The following DNER variants were observed in gnomAD, a reference collection of about 807,000 sequenced individuals.
DNER encodes the protein delta/notch like EGF repeat containing.
Under a neutral mutation model 78.2 loss-of-function variants are expected in DNER, and 33 were observed. The ratio of observed to expected loss-of-function variants is 0.42; its 90% CI spans 0.32 to 0.56. The LOEUF is 0.56. Among genes scored for constraint, DNER ranks in the 20% least tolerant of loss-of-function variants. The probability of loss-of-function intolerance (pLI) is 0.11; values close to 1 mark genes in which losing one functional copy is unlikely to be tolerated. For missense variants in DNER, 918 were observed against 975.3 expected, an observed-to-expected ratio of 0.94 and a Z score of 0.78; for synonymous variants, 417 against 384.8, an observed-to-expected ratio of 1.08 and a Z score of -0.98.
chr2:229,566,264 G>A (rs896734896), intron 4 of DNER, among the ~76,000 whole-genome samples: 1 of 152,120 alleles, frequency 6.6e-6, no homozygotes, highest in Admixed American at 6.6e-5. Context: ...TTCTAATACA[G>A]CTCTTTGCTC....
intron 1 of DNER, among the ~76,000 whole-genome samples, chr2:229,708,915 T>C (rs1335432416): frequency 6.6e-6 from 1 of 152,214 alleles, no homozygotes; most frequent in African/African-American, 2.4e-5. Flanking sequence ...TTCGACAAGT[T>C]TTTGTTCTTT....
At chr2:229,519,726 C>G (rs1273610435) in intron 5 of DNER, among the ~76,000 whole-genome samples, 1 of 152,128 alleles carries the variant, frequency 6.6e-6, no homozygotes, top group Non-Finnish European at 1.5e-5. Context: ...GGCCCTTCAC[C>G]CTTAAGGGCA....
Position 229,546,330 on chromosome 2 carries a change from AC to A in DNER, c.993+616del, listed in dbSNP as rs1473410078. ...TCTAAATACTCATGTCCTATGTCCA[AC>A]CACCATTCAGTTTTAAAACTACTCC... On this transcript the variant is annotated intron_variant, in intron 5 of 12. Coordinates refer to ENST00000341772, the MANE Select transcript of DNER (RefSeq NM_139072.4). 3.9e-5 allele frequency among the ~76,000 whole-genome samples: 6 copies of A among 152,330 alleles called. 1 individual carries two copies. In the Middle Eastern group the frequency reaches 0.01, roughly 259 times the overall value.
At chr2:229,397,916 TG>T (rs1047328491) in intron 10 of DNER, among the ~76,000 whole-genome samples, 1 of 152,086 alleles carries the variant, frequency 6.6e-6, no homozygotes, top group Non-Finnish European at 1.5e-5. Flanking sequence ...ATGCATTAGC[TG>T]TGAGAAAAAG....
At chr2:229,706,735 T>C (rs913922490) in intron 1 of DNER, among the ~76,000 whole-genome samples, 2 of 152,186 alleles carry the variant, frequency 1.3e-5, no homozygotes, top group Non-Finnish European at 2.9e-5. Flanking sequence ...ATAACTTTCA[T>C]GCAATGTGAG....
At chr2:229,533,836 G>A (rs1696353100) in intron 5 of DNER, among the ~76,000 whole-genome samples, 1 of 152,224 alleles carries the variant, frequency 6.6e-6, no homozygotes, top group Non-Finnish European at 1.5e-5. Flanking sequence ...TGTTATCGGA[G>A]ATAAAATCTG....
chr2:229,435,910 A>C (rs1390476902), intron 8 of DNER, among the ~76,000 whole-genome samples: 1 of 152,214 alleles, frequency 6.6e-6, no homozygotes, highest in East Asian at 1.9e-4. Context: ...TGTTTGGTAA[A>C]AGATAAACAT....
intron 1 of DNER, among the ~76,000 whole-genome samples, chr2:229,594,600 A>AAAAG (rs1697671435): frequency 7.1e-5 from 2 of 28,216 alleles, no homozygotes; most frequent in Non-Finnish European, 3.7e-4. Flanking sequence ...AAAAAAAAAC[A>AAAAG]AAACAAACAA....
intron 6 of DNER, among the ~76,000 whole-genome samples, chr2:229,502,644 C>A (rs1394554123): frequency 6.6e-6 from 1 of 152,116 alleles, no homozygotes; most frequent in Non-Finnish European, 1.5e-5. Context: ...AAACAAAAAA[C>A]AAGAAACAGA....
rs183620180 is a variant in DNER, at chr2:229,432,713, C to T, written c.1487-14483G>A. On this transcript the variant is annotated intron_variant, in intron 8 of 12. Transcript: ENST00000341772. Reference sequence around the variant, plus strand: ...GTGTTCTCAGGTCACACTCAAGACCCGCTGATTCAGGGACTCTAAGGGTAG... The same window carrying T: ...GTGTTCTCAGGTCACACTCAAGACCTGCTGATTCAGGGACTCTAAGGGTAG... Among the ~76,000 whole-genome samples, 5 of 152,172 alleles carry T rather than the reference C, an allele frequency of 3.3e-5. No individual in the cohort carries two copies. The East Asian group carries it at 9.7e-4, about 29-fold the overall frequency.
At chr2:229,540,086 C>T (rs1696482330) in intron 5 of DNER, among the ~76,000 whole-genome samples, 1 of 152,178 alleles carries the variant, frequency 6.6e-6, no homozygotes, top group African/African-American at 2.4e-5. Context: ...TGTGTTCCCA[C>T]AACAGAAGGA....
chr2:229,421,971 T>A (rs1326440046), intron 8 of DNER, among the ~76,000 whole-genome samples: 1 of 152,192 alleles, frequency 6.6e-6, no homozygotes, highest in Non-Finnish European at 1.5e-5. Context: ...GAAAACAGTA[T>A]CATTATCTTT....
intron 8 of DNER, among the ~76,000 whole-genome samples, chr2:229,420,408 T>C (rs534161805): frequency 6.6e-6 from 1 of 152,384 alleles, no homozygotes; most frequent in East Asian, 1.9e-4. Context: ...TCCTTTGTTA[T>C]GCAGAACCTT....
chr2:229,632,982 T>C (rs560207915), intron 1 of DNER, among the ~76,000 whole-genome samples: 21 of 152,344 alleles, frequency 1.4e-4, no homozygotes, highest in African/African-American at 5.1e-4. Context: ...ATTATTATTG[T>C]ATCAAATGTC....
intron 1 of DNER, among the ~76,000 whole-genome samples, chr2:229,659,249 A>G (rs953641694): frequency 6.6e-6 from 1 of 152,214 alleles, no homozygotes; most frequent in Admixed American, 6.6e-5. Context: ...AGAGGAACTC[A>G]GTTTTTTAGC....
chr2:229,601,688 T>A (rs1697829185), intron 1 of DNER, among the ~76,000 whole-genome samples: 1 of 152,180 alleles, frequency 6.6e-6, no homozygotes, highest in African/African-American at 2.4e-5. Context: ...GGCTATAAAA[T>A]GAATCCATTA....
chr2:229,411,456 C>T (rs1210686468), intron 9 of DNER, among the ~76,000 whole-genome samples: 1 of 151,998 alleles, frequency 6.6e-6, no homozygotes, highest in Admixed American at 6.6e-5. Context: ...ACTCAGGAGG[C>T]CGAGACAGGA....
At chr2:229,399,455 G>T (rs940032013) in intron 10 of DNER, among the ~76,000 whole-genome samples, 2 of 151,912 alleles carry the variant, frequency 1.3e-5, no homozygotes, top group Admixed American at 1.3e-4. Context: ...AAATAGTAAA[G>T]ATATTGATTC....
At position 229,635,337 on chromosome 2, in the gene DNER, T is replaced by TA. The variant is rs1444297891; in HGVS notation, c.277-43450dup. Among the ~76,000 whole-genome samples, 4 of 129,860 alleles carry TA rather than the reference T, an allele frequency of 3.1e-5. No individual in the cohort carries two copies. The East Asian group carries it at 9.1e-4, about 30-fold the overall frequency. 85.2% of individuals were successfully genotyped at this position (129,860 alleles called of 152,430 possible). On this transcript the variant is annotated intron_variant, in intron 1 of 12. Transcript: ENST00000341772. Reference sequence around the variant, plus strand: ...TAAATGTTCTGACCACGGCCCTTTCTATGGATGCACTAAGGTCCCACAGGA... The same window carrying TA: ...TAAATGTTCTGACCACGGCCCTTTCTAATGGATGCACTAAGGTCCCACAGGA...
Sources: gnomAD v4.1 joint callset for allele counts (sites outside exome capture counted in the v4.1 genomes callset) on GRCh38, gnomAD v4.1.1 for gene constraint, MANE v1.5 for transcripts, NCBI Gene and HGNC (gene_info 2026-07-23, HGNC 2026-07-21) for gene names.